TOLLIP: variants seen among roughly 807,000 people sequenced by gnomAD.
TOLLIP encodes the protein toll-interacting protein.
TOLLIP carries 16 observed loss-of-function variants against 33.5 expected under a neutral mutation model. That is an observed-to-expected ratio of 0.48 (90% CI 0.32 to 0.72). The LOEUF (loss-of-function observed/expected upper bound fraction) is 0.72. TOLLIP is among the 30% of genes least tolerant of loss of function. The pLI is 0.03. For missense variants in TOLLIP, 325 were observed against 396.6 expected, an observed-to-expected ratio of 0.82 and a Z score of 1.53; for synonymous variants, 176 against 163.7, an observed-to-expected ratio of 1.07 and a Z score of -0.57.
At chr11:1,294,213 T>C (rs1159381070) in intron 2 of TOLLIP, among the ~76,000 whole-genome samples, 1 of 139,232 alleles carries the variant, frequency 7.2e-6, no homozygotes, top group Admixed American at 7.3e-5. Flanking sequence ...TGGCTCACAG[T>C]GTGTCTCCTT....
intron 1 of TOLLIP, among the ~76,000 whole-genome samples, chr11:1,302,428 C>G (rs1289845779): frequency 6.6e-6 from 1 of 152,260 alleles, no homozygotes; most frequent in African/African-American, 2.4e-5. Flanking sequence ...GAAGGACTCA[C>G]CGACACTCAC....
At chr11:1,292,999 G>A (rs1057044474) in intron 2 of TOLLIP, among the ~76,000 whole-genome samples, 1 of 152,322 alleles carries the variant, frequency 6.6e-6, no homozygotes, top group East Asian at 1.9e-4. Flanking sequence ...AAAGGCCCAC[G>A]CGGGAACGGA....
intron 3 of TOLLIP, among the ~76,000 whole-genome samples, chr11:1,289,002 G>T (rs545313437): frequency 1.9e-4 from 29 of 152,066 alleles, no homozygotes; most frequent in East Asian, 5.8e-4. Flanking sequence ...GATGGGCCAG[G>T]GCCAGGGCCA....
chr11:1,279,963 G>A (rs754370533), intron 5 of TOLLIP, among the ~76,000 whole-genome samples: 3 of 152,212 alleles, frequency 2.0e-5, no homozygotes, highest in Non-Finnish European at 2.9e-5. Context: ...CCAGCTCAGA[G>A]ACTGTTCCGG....
rs1334078033 is a variant in TOLLIP at position 1,290,320 on chromosome 11, T to C, written c.273A>G (p.Ala91=). 1 of 1,613,524 alleles carries C rather than the reference T, an allele frequency of 6.2e-7. No homozygotes were observed. The highest frequency in any genetic ancestry group is 1.3e-5 in the African/African-American group (1 of 74,940). ...LGYAVYETPT[A]HNGAKNPRWN... ...AGCGGGGATTCTTGGCGCCATTGTG[T>C]GCCGTGGGCGTCTCGTACACCGCGT... The change falls in exon 3 of 6, where the codon GCA becomes GCG. Residue 91 remains alanine (A), a synonymous_variant. Coordinates refer to ENST00000317204, the MANE Select transcript of TOLLIP (RefSeq NM_019009.4). The surrounding 1 kb of genome is among the most constrained non-coding windows in gnomAD (Gnocchi z 4.9).
At chr11:1,302,505 A>C in intron 1 of TOLLIP, 1 of 905,196 alleles carries the variant, frequency 1.1e-6, no homozygotes, top group Non-Finnish European at 1.3e-6. Context: ...GAAAACTGCA[A>C]TTCCCCATGC....
chr11:1,284,933 G>A (rs796812074), intron 5 of TOLLIP, among the ~76,000 whole-genome samples: 4 of 152,270 alleles, frequency 2.6e-5, no homozygotes, highest in African/African-American at 9.6e-5. Flanking sequence ...GGTCTAGGGC[G>A]AGGTCCCGAC....
At chr11:1,289,514 AT>A (rs1863860676) in intron 3 of TOLLIP, among the ~76,000 whole-genome samples, 1 of 152,240 alleles carries the variant, frequency 6.6e-6, no homozygotes, top group South Asian at 2.1e-4. Flanking sequence ...GGTCACGACC[AT>A]TCGCACCACC....
chr11:1,284,475 A>G (rs1863617028), intron 5 of TOLLIP, among the ~76,000 whole-genome samples: 1 of 151,756 alleles, frequency 6.6e-6, no homozygotes, highest in African/African-American at 2.4e-5. Flanking sequence ...CAGCCTCCCG[A>G]GCAGCTGGGA....
At chr11:1,292,559 C>G (rs1228894186) in intron 2 of TOLLIP, among the ~76,000 whole-genome samples, 1 of 152,222 alleles carries the variant, frequency 6.6e-6, no homozygotes, top group Non-Finnish European at 1.5e-5. Flanking sequence ...CCTGTGACAT[C>G]AACTGCTCTG....
At chr11:1,288,565 GCCCCGACGTGCTCCA>G in intron 4 of TOLLIP, 44 bp downstream of exon 4, 1 of 1,548,586 alleles carries the variant, frequency 6.5e-7, no homozygotes, top group Non-Finnish European at 8.7e-7. Flanking sequence ...GGGCGGCATA[GCCCCGACGTGCTCCA>G]ACATACCCCA....
rs1176071124 is a variant in TOLLIP at position 1,277,404 on chromosome 11, C to T, written c.611-151G>A. 5 of 602,588 alleles carry T rather than the reference C, an allele frequency of 8.3e-6. No homozygotes were observed. The African/African-American group carries it at 9.5e-5, about 11-fold the overall frequency. The allele number at this position is 602,588 out of a possible 1,614,324, so 37.3% of individuals were successfully genotyped here. Reference sequence around the variant, plus strand: ...CAGCAAACACCAGTCCCGCAAGACACCCTGGAAAGGCAAACCCCCAAACAG... The same window carrying T: ...CAGCAAACACCAGTCCCGCAAGACATCCTGGAAAGGCAAACCCCCAAACAG... On this transcript the variant is annotated intron_variant, in intron 5 of 5. Coordinates refer to ENST00000317204, the MANE Select transcript of TOLLIP (RefSeq NM_019009.4). The surrounding 1 kb of genome is among the most constrained non-coding windows in gnomAD (Gnocchi z 4.2).
chr11:1,295,201 A>G (rs5743936), intron 2 of TOLLIP, among the ~76,000 whole-genome samples: 124,143 of 151,972 alleles, frequency 0.82, 51,329 homozygotes, highest in Non-Finnish European at 0.89. Context: ...ACCACTAAGC[A>G]ACCACGGGCC....
chr11:1,308,434 T>C (rs1221338348), intron 1 of TOLLIP, among the ~76,000 whole-genome samples: 1 of 152,218 alleles, frequency 6.6e-6, no homozygotes, highest in Admixed American at 6.5e-5. Flanking sequence ...ATGCTACCTG[T>C]ACAGCCTGCA....
At chr11:1,289,745 A>G (rs1863871473) in intron 3 of TOLLIP, among the ~76,000 whole-genome samples, 1 of 148,014 alleles carries the variant, frequency 6.8e-6, no homozygotes, top group South Asian at 2.1e-4. Flanking sequence ...CTGTGCGCCC[A>G]GCGGGGCGGA....
At chr11:1,285,707 G>C (rs1863669443) in intron 5 of TOLLIP, among the ~76,000 whole-genome samples, 2 of 152,046 alleles carry the variant, frequency 1.3e-5, no homozygotes, top group African/African-American at 4.8e-5. Flanking sequence ...GGGCACAACG[G>C]GGTTTCAAAG....
At chr11:1,285,788 AC>A (rs1186916941) in intron 5 of TOLLIP, among the ~76,000 whole-genome samples, 67 of 152,086 alleles carry the variant, frequency 4.4e-4, no homozygotes, top group East Asian at 1.2e-3. Flanking sequence ...AAAAAAAAAA[AC>A]AATTCTATTT....
intron 5 of TOLLIP, among the ~76,000 whole-genome samples, chr11:1,280,653 C>T (rs1225442919): frequency 6.6e-6 from 1 of 152,072 alleles, no homozygotes; most frequent in East Asian, 1.9e-4. Context: ...GCTGCCTATG[C>T]GGGCCAGGCT....
rs767255576 is a variant in TOLLIP, at chr11:1,290,297, C to T, written c.296G>A (p.Arg99His). ...PTAHNGAKNP[R>H]WNKVIHCTVP... ...CGTGCAGTGGATGACCTTATTCCAG[C>T]GGGGATTCTTGGCGCCATTGTGTGC... The change falls in exon 3 of 6, where the codon CGC becomes CAC. Residue 99 changes from arginine (R) to histidine (H), a missense_variant. By Grantham distance (29) the Arg-to-His change is conservative. Transcript: ENST00000317204. The surrounding 1 kb of genome is among the most constrained non-coding windows in gnomAD (Gnocchi z 4.9). 1.1e-5 allele frequency: 17 copies of T among 1,613,514 alleles called. No individual in the cohort carries two copies. Among genetic ancestry groups the T allele is most frequent in the South Asian group, 4.4e-5 (4 of 91,090 alleles).
Sources: allele counts gnomAD v4.1 joint callset (sites outside exome capture counted in the v4.1 genomes callset), GRCh38; gene constraint gnomAD v4.1.1; non-coding constraint Gnocchi (gnomAD v3.1); transcripts MANE v1.5; gene names NCBI Gene and HGNC (gene_info 2026-07-23, HGNC 2026-07-21).